The following SPATA13 variants were observed in gnomAD, a reference collection of about 807,000 sequenced individuals.
SPATA13 encodes spermatogenesis-associated protein 13.
In SPATA13, 50 loss-of-function variants were observed where a neutral mutation model predicts 104.0. That is an observed-to-expected ratio of 0.48 (90% CI 0.38 to 0.61). SPATA13 has a LOEUF of 0.61. Ranked by LOEUF, SPATA13 falls within the 20% of genes least tolerant of loss-of-function variation. The pLI is 0.00. For missense variants in SPATA13, 1,524 were observed against 1,690.6 expected, an observed-to-expected ratio of 0.90 and a Z score of 1.73; for synonymous variants, 606 against 667.5, an observed-to-expected ratio of 0.91 and a Z score of 1.42.
rs765542994 is a variant in SPATA13 at position 24,223,594 on chromosome 13, C to T, written c.665C>T (p.Ala222Val). 28 of 1,550,612 alleles carry T rather than the reference C, an allele frequency of 1.8e-5. No homozygotes were observed. Among genetic ancestry groups the T allele is most frequent in the South Asian group, 4.8e-5 (4 of 84,072 alleles). ...CTGCTGGATGCGCCCCAGAACCATG[C>T]GACACCCACGATAGCCACTGGCCAG... ...ICLLDAPQNH[A>V]TPTIATGQVP... Residue 222 changes from alanine to valine, a missense_variant, in exon 2 of 13, where the codon GCG (alanine) becomes GTG (valine). Ala to Val is a moderately conservative substitution (Grantham distance 64). Transcript: ENST00000382108.
intron 1 of SPATA13, among the ~76,000 whole-genome samples, chr13:24,210,225 A>G (rs1366861766): frequency 6.6e-6 from 1 of 151,962 alleles, no homozygotes; most frequent in Non-Finnish European, 1.5e-5. Context: ...CTCCTATTCC[A>G]TGGGTTACCT....
Position 24,290,878 on chromosome 13 carries a change from A to AACACGGGTGAGGGGCATGGGTAAGGG in SPATA13, c.3075_3080+20dup, listed in dbSNP as rs768102561. On this transcript the variant is annotated stop_gained and frameshift_variant, in exon 9 of 13. Coordinates refer to ENST00000382108, the MANE Select transcript of SPATA13 (RefSeq NM_001166271.3). LOFTEE classifies it high-confidence loss of function. Reference sequence around the variant, plus strand: ...GAGCTGCTCAAGTATACCACACAGGAACACGGGTGAGGGGCATGGGTAAGG... The same window carrying AACACGGGTGAGGGGCATGGGTAAGGG: ...GAGCTGCTCAAGTATACCACACAGGAACACGGGTGAGGGGCATGGGTAAGGGACACGGGTGAGGGGCATGGGTAAGG... 88 of 1,613,736 alleles carry AACACGGGTGAGGGGCATGGGTAAGGG rather than the reference A, an allele frequency of 5.5e-5. No individual in the cohort carries two copies. The highest frequency in any genetic ancestry group is 7.3e-5 in the Non-Finnish European group (86 of 1,179,784).
intron 1 of SPATA13, among the ~76,000 whole-genome samples, chr13:24,202,942 A>G (rs907399092): frequency 6.6e-6 from 1 of 152,026 alleles, no homozygotes; most frequent in Non-Finnish European, 1.5e-5. Context: ...ACAGTATGTA[A>G]TTCCTGGAAT....
chr13:24,146,497 C>T (rs1593359407), intron 3 of SPATA13, among the ~76,000 whole-genome samples: 1 of 152,300 alleles, frequency 6.6e-6, no homozygotes, highest in East Asian at 1.9e-4. Flanking sequence ...TAGGGCGATA[C>T]ATAACTAAGT....
chr13:24,113,449 A>C (rs1880713870), intron 3 of SPATA13, among the ~76,000 whole-genome samples: 1 of 152,102 alleles, frequency 6.6e-6, no homozygotes, highest in South Asian at 2.1e-4. Context: ...CTGACAATAC[A>C]AAAAATTAGC....
intron 3 of SPATA13, among the ~76,000 whole-genome samples, chr13:24,044,895 G>T (rs9507227): frequency 6.7e-4 from 84 of 125,672 alleles, no homozygotes; most frequent in Middle Eastern, 4.0e-3. Flanking sequence ...GAGGGGGTGG[G>T]GGTGGGGGTA....
rs151044359 is a variant in SPATA13 at position 24,170,898 on chromosome 13, G to A, written c.-112+9966G>A. Among the ~76,000 whole-genome samples, 405 of 152,114 alleles carry A rather than the reference G, an allele frequency of 2.7e-3. 1 individual carries two copies. Among genetic ancestry groups the A allele is most frequent in the African/African-American group, 9.2e-3 (380 of 41,526 alleles). ...GATTCGTTGTTGGGAACAGAAGAGT[G>A]TTCTTTGATGGGATTGTTTTAAAAG... On this transcript the variant is annotated intron_variant, in intron 1 of 12. Coordinates refer to ENST00000382108, the MANE Select transcript of SPATA13 (RefSeq NM_001166271.3).
chr13:24,057,515 A>T (rs1462516543), intron 3 of SPATA13, among the ~76,000 whole-genome samples: 1 of 152,070 alleles, frequency 6.6e-6, no homozygotes, highest in East Asian at 1.9e-4. Context: ...GTGATGTGGG[A>T]TGTTCTGCAT....
At chr13:24,230,901 G>A (rs1452254277) in intron 2 of SPATA13, among the ~76,000 whole-genome samples, 1 of 152,212 alleles carries the variant, frequency 6.6e-6, no homozygotes, top group African/African-American at 2.4e-5. Flanking sequence ...CAGGGACTCA[G>A]AGGGACATTC....
chr13:24,290,956 G>T lies in SPATA13; in HGVS notation c.3080+72G>T, dbSNP rs922724203. ...ACCCGTAGGCAGCTCTTAACTCCAG[G>T]CAGTGATAGGTGGGCTTCAGTGTCA... On this transcript the variant is annotated intron_variant, in intron 9 of 12. Transcript: ENST00000382108. The T allele has an allele frequency of 2.1e-5, 26 of 1,243,378 alleles. No individual in the cohort carries two copies. The African/African-American group carries it at 3.7e-4, about 18-fold the overall frequency. The allele number at this position is 1,243,378 out of a possible 1,614,324, so 77.0% of individuals were successfully genotyped here. A position where few individuals can be genotyped will look rare whatever the true frequency, so the allele number is the denominator to read the frequency against.
At chr13:24,075,993 T>G (rs1879312279) in intron 3 of SPATA13, among the ~76,000 whole-genome samples, 1 of 152,230 alleles carries the variant, frequency 6.6e-6, no homozygotes. Flanking sequence ...TGGAAACACC[T>G]TCTGTTTCCA....
intron 3 of SPATA13, among the ~76,000 whole-genome samples, chr13:24,107,081 C>A (rs1275162177): frequency 1.3e-5 from 2 of 151,368 alleles, no homozygotes; most frequent in African/African-American, 2.4e-5. Flanking sequence ...GAAATTTATG[C>A]TTGCCAGAAT....
At position 24,223,769 on chromosome 13, in the gene SPATA13, C is replaced by T. The variant is rs751634344; in HGVS notation, c.840C>T (p.Ala280=). ...STSNLADLRT[A]HDARVPQRTL... Reference sequence around the variant, plus strand: ...CCAATCTTGCAGACCTCAGGACGGCCCATGACGCACGGGTACCACAGAGGA... The same window carrying T: ...CCAATCTTGCAGACCTCAGGACGGCTCATGACGCACGGGTACCACAGAGGA... The change falls in exon 2 of 13, where the codon GCC becomes GCT. Residue 280 remains alanine, a synonymous_variant. Transcript: ENST00000382108. 334 of 1,551,750 alleles carry T rather than the reference C, an allele frequency of 2.2e-4. No homozygotes were observed. The highest frequency in any genetic ancestry group is 2.7e-4 in the Non-Finnish European group (308 of 1,147,030).
chr13:24,251,815 T>C lies in SPATA13; in HGVS notation c.2117T>C (p.Ile706Thr). ...RPFTFSQSTP[I>T]GLDRVGRRRQ... ...TTCACATTCTCCCAGAGCACCCCCA[T>C]TGGGTTGGACCGTGTGGGACGCCGG... Residue 706 changes from isoleucine to threonine, a missense_variant, in exon 4 of 13, where the codon ATT becomes ACT. By Grantham distance (89) the Ile-to-Thr change is moderately conservative. Transcript: ENST00000382108. 2.5e-6 allele frequency: 4 copies of C among 1,614,072 alleles called. No homozygotes were observed. Among genetic ancestry groups the C allele is most frequent in the Non-Finnish European group, 3.4e-6 (4 of 1,179,948 alleles).
intron 1 of SPATA13, among the ~76,000 whole-genome samples, chr13:24,168,702 C>T (rs1882841902): frequency 6.6e-6 from 1 of 152,142 alleles, no homozygotes; most frequent in African/African-American, 2.4e-5. Flanking sequence ...TTAAATGTTC[C>T]ATGGCTGCTT....
chr13:24,253,040 A>C (rs547799018), intron 4 of SPATA13: 1 of 152,326 alleles, frequency 6.6e-6, no homozygotes, highest in Admixed American at 6.5e-5. Context: ...ATAAGGAGTT[A>C]ACTTATTAGG....
At chr13:24,280,491 C>CT (rs57348867) in intron 4 of SPATA13, among the ~76,000 whole-genome samples, 93,100 of 144,958 alleles carry the variant, frequency 0.64, 30,583 homozygotes, top group East Asian at 0.8. Context: ...CTGAGATGCA[C>CT]TTTTTTTTTT....
chr13:24,124,891 A>C (rs1268517636), intron 3 of SPATA13, among the ~76,000 whole-genome samples: 1 of 152,018 alleles, frequency 6.6e-6, no homozygotes, highest in Admixed American at 6.6e-5. Context: ...TTTTTTTTCT[A>C]TCACAGCCTG....
At chr13:24,159,050 A>C (rs1161257948), upstream of SPATA13, among the ~76,000 whole-genome samples, 2 of 152,222 alleles carry the variant, frequency 1.3e-5, no homozygotes, top group East Asian at 3.8e-4. Context: ...CAATTTTTTT[A>C]AAAGAAAAAT....
Sources: allele counts gnomAD v4.1 joint callset (sites outside exome capture counted in the v4.1 genomes callset), GRCh38; gene constraint gnomAD v4.1.1; transcripts MANE v1.5; gene names NCBI Gene and HGNC (gene_info 2026-07-23, HGNC 2026-07-21).